The following TRIM71 variants were observed in gnomAD, a reference collection of about 807,000 sequenced individuals.
TRIM71 encodes tripartite motif containing 71, also known as E3 ubiquitin-protein ligase TRIM71.
Under a neutral mutation model 61.2 loss-of-function variants are expected in TRIM71, and 9 were observed. The ratio of observed to expected loss-of-function variants is 0.15; its 90% CI spans 0.09 to 0.26. The LOEUF (loss-of-function observed/expected upper bound fraction) is 0.26, where lower values mean the gene tolerates loss of function less well. Among genes scored for constraint, TRIM71 ranks in the 10% least tolerant of loss-of-function variants. The probability of loss-of-function intolerance (pLI) is 1.00; values close to 1 mark genes in which losing one functional copy is unlikely to be tolerated. For synonymous variants in TRIM71, 645 were observed against 553.2 expected (o/e 1.17, Z -2.33); for missense variants, 998 against 1,238.7 (o/e 0.81, Z 2.92).
rs150920220 is a variant in TRIM71, at chr3:32,867,171, AC to A, written c.853-6641del. ...GTTCTTGGACACTCCCACTTTTACC[AC>A]CCCCCTCCCCCTCCTCTTTTTTAGA... is the stretch of plus-strand genomic sequence containing the variant. On this transcript the variant is annotated intron_variant, in intron 1 of 3. Transcript: ENST00000383763. 1.5e-4 allele frequency among the ~76,000 whole-genome samples: 23 copies of A among 148,428 alleles called. No individual in the cohort carries two copies. The South Asian group carries it at 1.9e-3, about 12-fold the overall frequency.
At chr3:32,867,316 A>T (rs562676345) in intron 1 of TRIM71, among the ~76,000 whole-genome samples, 3 of 152,336 alleles carry the variant, frequency 2.0e-5, no homozygotes, top group Non-Finnish European at 4.4e-5. Context: ...ACTGCAAAAG[A>T]ACATTAGTTT....
chr3:32,818,111 A>T lies in TRIM71; in HGVS notation c.31A>T (p.Ile11Phe). ...TTCGTTCCCCGAGACCGATTTCCAG[A>T]TCTGCTTGCTGTGCAAGGAGATGTG... MASFPETDFQ[I>F]CLLCKEMCGS... The change falls in exon 1 of 4, where the codon ATC becomes TTC. Residue 11 changes from isoleucine (I) to phenylalanine (F), a missense_variant. Transcript: ENST00000383763. The T allele has an allele frequency of 6.2e-7, 1 of 1,611,586 alleles. No individual in the cohort carries two copies. Among genetic ancestry groups the T allele is most frequent in the Non-Finnish European group, 8.5e-7 (1 of 1,178,780 alleles).
chr3:32,885,564 A>T (rs1423188955), intron 2 of TRIM71, among the ~76,000 whole-genome samples: 1 of 152,214 alleles, frequency 6.6e-6, no homozygotes, highest in Non-Finnish European at 1.5e-5. Flanking sequence ...GAGGCCAGGA[A>T]GTCTGGGGAA....
intron 1 of TRIM71, among the ~76,000 whole-genome samples, chr3:32,853,116 CTCTCTT>C (rs1559543104): frequency 2.7e-5 from 1 of 37,678 alleles, no homozygotes; most frequent in African/African-American, 7.1e-5. Flanking sequence ...CTCTCTCTCT[CTCTCTT>C]TTTTTTTTTT....
At chr3:32,843,065 T>G (rs563027852) in intron 1 of TRIM71, among the ~76,000 whole-genome samples, 1 of 152,216 alleles carries the variant, frequency 6.6e-6, no homozygotes, top group South Asian at 2.1e-4. Context: ...CCACAGCCCC[T>G]CCAGCTGGGT....
chr3:32,874,012 T>C, intron 2 of TRIM71, 27 bp downstream of exon 2: 1 of 1,573,254 alleles, frequency 6.4e-7, no homozygotes, highest in South Asian at 1.2e-5. Flanking sequence ...CTTCTGCAGT[T>C]CCCACGTGAA....
chr3:32,873,384 G>C (rs549241711), intron 1 of TRIM71, among the ~76,000 whole-genome samples: 1 of 152,274 alleles, frequency 6.6e-6, no homozygotes, highest in African/African-American at 2.4e-5. Flanking sequence ...GAGCAGCAAA[G>C]GAAACTTTTC....
chr3:32,889,999 C>T (rs1697006960), intron 3 of TRIM71, among the ~76,000 whole-genome samples: 1 of 152,058 alleles, frequency 6.6e-6, no homozygotes, highest in Non-Finnish European at 1.5e-5. Context: ...ATTACAATTA[C>T]AGAAATCAGG....
intron 2 of TRIM71, among the ~76,000 whole-genome samples, chr3:32,876,966 AGT>A (rs1213791395): frequency 6.6e-6 from 1 of 152,110 alleles, no homozygotes; most frequent in Non-Finnish European, 1.5e-5. Flanking sequence ...GTTAGTTGAA[AGT>A]GTGTGCCCAA....
At chr3:32,831,341 G>A (rs1214556124) in intron 1 of TRIM71, among the ~76,000 whole-genome samples, 1 of 152,050 alleles carries the variant, frequency 6.6e-6, no homozygotes, top group Non-Finnish European at 1.5e-5. Context: ...GATAGAGGTG[G>A]CTACATCTTC....
intron 1 of TRIM71, among the ~76,000 whole-genome samples, chr3:32,848,452 G>A (rs1341263365): frequency 6.6e-6 from 1 of 152,156 alleles, no homozygotes; most frequent in Non-Finnish European, 1.5e-5. Context: ...TCCCTGGAGG[G>A]GTGGGGGCCT....
At chr3:32,819,759 C>G (rs774439409) in intron 1 of TRIM71, among the ~76,000 whole-genome samples, 1 of 152,166 alleles carries the variant, frequency 6.6e-6, no homozygotes, top group Non-Finnish European at 1.5e-5. Flanking sequence ...CCGCCTGCCC[C>G]GACTCCAAGC....
chr3:32,879,967 G>T (rs1024211241), intron 2 of TRIM71, among the ~76,000 whole-genome samples: 1 of 151,704 alleles, frequency 6.6e-6, no homozygotes, highest in Non-Finnish European at 1.5e-5. Flanking sequence ...TCTCAAAAAA[G>T]AAAATGTGGG....
At chr3:32,875,226 T>C (rs960179303) in intron 2 of TRIM71, among the ~76,000 whole-genome samples, 4 of 152,272 alleles carry the variant, frequency 2.6e-5, no homozygotes, top group African/African-American at 9.6e-5. Flanking sequence ...AGTCCTTTCC[T>C]GGATGGTGAA....
At position 32,891,325 on chromosome 3, in the gene TRIM71, G is replaced by A. The variant is rs200932623; in HGVS notation, c.2121G>A (p.Ala707=). The stretch of plus-strand genomic sequence containing the variant: ...AGTTCAACTACCCTTGGGATGTGGC[G>A]GTGAATTCTGAGGGCAAGATCCTGG... The part of the protein sequence containing the change: ...NGQFNYPWDV[A]VNSEGKILVS... The change falls in exon 4 of 4, where the codon GCG becomes GCA. Residue 707 remains alanine (A), a synonymous_variant. Transcript: ENST00000383763. This position sits in a 1 kb window ranked among gnomAD's most constrained non-coding sequence, Gnocchi z 8.2. 2.7e-5 allele frequency: 44 copies of A among 1,614,058 alleles called. No individual in the cohort carries two copies. The highest frequency in any genetic ancestry group is 2.9e-5 in the Non-Finnish European group (34 of 1,180,008).
At chr3:32,826,582 CTTTTTTTTTTTTTT>C (rs71068090) in intron 1 of TRIM71, among the ~76,000 whole-genome samples, 5 of 83,098 alleles carry the variant, frequency 6.0e-5, no homozygotes, top group Admixed American at 3.7e-4. Flanking sequence ...CAGGTGAGTT[CTTTTTTTTTTTTTT>C]TTTTTTTTGA....
At chr3:32,860,671 G>A (rs74908561) in intron 1 of TRIM71, among the ~76,000 whole-genome samples, 2,584 of 152,206 alleles carry the variant, frequency 0.017, 67 homozygotes, top group East Asian at 0.12. Context: ...GATCACAGCC[G>A]TGGGGCCCAC....
At chr3:32,889,300 TG>T (rs1696996250) in intron 3 of TRIM71, among the ~76,000 whole-genome samples, 2 of 152,032 alleles carry the variant, frequency 1.3e-5, no homozygotes, top group Admixed American at 1.3e-4. Flanking sequence ...GGGATCTTGC[TG>T]TATTACCCAG....
In TRIM71 at chr3:32,818,109, A is replaced by C; in HGVS notation, c.29A>C (p.Gln10Pro). Residue 10 changes from glutamine (Q) to proline (P), a missense_variant, in exon 1 of 4, where the codon CAG becomes CCG. Transcript: ENST00000383763. MASFPETDFQICLLCKEMCG... is the reference protein window; with the variant it reads MASFPETDFPICLLCKEMCG... ...GCTTCGTTCCCCGAGACCGATTTCC[A>C]GATCTGCTTGCTGTGCAAGGAGATG... The C allele has an allele frequency of 6.2e-7, 1 of 1,610,526 alleles. No homozygotes were observed. The highest frequency in any genetic ancestry group is 8.5e-7 in the Non-Finnish European group (1 of 1,178,224).
Sources: gnomAD v4.1 joint callset for allele counts (sites outside exome capture counted in the v4.1 genomes callset) on GRCh38, gnomAD v4.1.1 for gene constraint, Gnocchi (gnomAD v3.1) non-coding constraint, MANE v1.5 for transcripts, NCBI Gene and HGNC (gene_info 2026-07-23, HGNC 2026-07-21) for gene names.